The following MAGI2 variants were observed in gnomAD, a reference collection of about 807,000 sequenced individuals.
MAGI2 encodes membrane associated guanylate kinase, WW and PDZ domain containing 2.
A neutral mutation model predicts 133.3 loss-of-function variants in MAGI2; 35 were observed. The ratio of observed to expected loss-of-function variants is 0.26; its 90% CI spans 0.20 to 0.35. The LOEUF is 0.35. Ranked by LOEUF, MAGI2 falls within the 10% of genes least tolerant of loss-of-function variation. The pLI, the probability that MAGI2 is intolerant of heterozygous loss-of-function variation, is 1.00. For missense variants in MAGI2, 1,636 were observed against 1,863.4 expected (o/e 0.88, Z 2.25); for synonymous variants, 729 against 710.6 (o/e 1.03, Z -0.41).
At chr7:78,163,136 T>C (rs1004119750) in intron 15 of MAGI2, among the ~76,000 whole-genome samples, 2 of 151,994 alleles carry the variant, frequency 1.3e-5, no homozygotes, top group African/African-American at 4.8e-5. Context: ...TTTAGTTTGT[T>C]TGTTTGTTTG....
At chr7:79,417,213 T>C (rs766605893) in intron 1 of MAGI2, among the ~76,000 whole-genome samples, 11 of 152,156 alleles carry the variant, frequency 7.2e-5, no homozygotes, top group Non-Finnish European at 1.3e-4. Context: ...TTATATCTAA[T>C]TGGTTGCATT....
At chr7:78,236,643 A>G (rs1437951739) in intron 10 of MAGI2, among the ~76,000 whole-genome samples, 1 of 152,172 alleles carries the variant, frequency 6.6e-6, no homozygotes, top group Non-Finnish European at 1.5e-5. Context: ...AAATGTTAAC[A>G]TGTTCCTTAT....
chr7:79,183,725 G>A lies in MAGI2; in HGVS notation c.302-176519C>T, dbSNP rs112234457. Among the ~76,000 whole-genome samples the A allele has an allele frequency of 2.0e-4, 31 of 151,830 alleles. 1 individual carries two copies. The highest frequency in any genetic ancestry group is 6.3e-4 in the African/African-American group (26 of 41,342). On this transcript the variant is annotated intron_variant, in intron 1 of 21. Transcript: ENST00000354212. ...CTAGTCACAGTCAATTCCAAGAGAC[G>A]GAATCAACTTAAGTGTCCATCAGTA...
In MAGI2 at chr7:78,432,385, G is replaced by A. The variant is rs574249616; in HGVS notation, c.1045+57376C>T. Among the ~76,000 whole-genome samples, 29 of 152,094 alleles carry A rather than the reference G, an allele frequency of 1.9e-4. 1 individual carries two copies. The highest frequency in any genetic ancestry group is 6.8e-3 in the Middle Eastern group (2 of 294). On this transcript the variant is annotated intron_variant, in intron 6 of 21. Transcript: ENST00000354212. The stretch of plus-strand genomic sequence containing the variant: ...CATTTTTCAGATTGTAGTTCTAACC[G>A]TGCTTAGACACGTAGTAAACAAATG...
intron 9 of MAGI2, among the ~76,000 whole-genome samples, chr7:78,338,677 G>GTT (rs1007989524): frequency 9.2e-5 from 14 of 152,096 alleles, no homozygotes; most frequent in Admixed American, 3.9e-4. Flanking sequence ...GCAGAAATGT[G>GTT]TTTTTACATG....
intron 1 of MAGI2, among the ~76,000 whole-genome samples, chr7:79,313,065 A>G (rs1838419456): frequency 6.6e-6 from 1 of 152,192 alleles, no homozygotes; most frequent in South Asian, 2.1e-4. Flanking sequence ...AATTCAATCA[A>G]TTATAGACTT....
intron 10 of MAGI2, among the ~76,000 whole-genome samples, chr7:78,217,042 C>T (rs1788344201): frequency 6.6e-6 from 1 of 152,156 alleles, no homozygotes; most frequent in Admixed American, 6.5e-5. Context: ...CAATGTTCTC[C>T]TTTTTAATAA....
At chr7:78,434,645 A>G (rs1201293294) in intron 6 of MAGI2, among the ~76,000 whole-genome samples, 3 of 152,172 alleles carry the variant, frequency 2.0e-5, no homozygotes, top group African/African-American at 7.2e-5. Context: ...CTCACATAAA[A>G]TGAGACAGTA....
intron 16 of MAGI2, among the ~76,000 whole-genome samples, chr7:78,156,651 G>A (rs1229815735): frequency 6.6e-6 from 1 of 151,680 alleles, no homozygotes; most frequent in Non-Finnish European, 1.5e-5. Context: ...CTTCCTCAAG[G>A]TCACATGGTT....
intron 9 of MAGI2, among the ~76,000 whole-genome samples, chr7:78,322,636 G>A (rs1425585223): frequency 6.6e-6 from 1 of 152,116 alleles, no homozygotes; most frequent in Admixed American, 6.6e-5. Flanking sequence ...GGGAGGGATA[G>A]CATTAGGAGA....
At position 79,387,890 on chromosome 7, in the gene MAGI2, G is replaced by A. The variant is rs1342423386; in HGVS notation, c.301+65130C>T. On this transcript the variant is annotated intron_variant, in intron 1 of 21. Coordinates refer to ENST00000354212, the MANE Select transcript of MAGI2 (RefSeq NM_012301.4). The stretch of plus-strand genomic sequence containing the variant: ...ATAATCAAGTCAAATATTTAAATTC[G>A]TATTGATTTAAACGACCTGATTTAA... 7.9e-5 allele frequency among the ~76,000 whole-genome samples: 12 copies of A among 151,450 alleles called. No homozygotes were observed. The East Asian group carries it at 1.2e-3, about 15-fold the overall frequency.
At position 79,077,598 on chromosome 7, in the gene MAGI2, A is replaced by AAAAG. The variant is rs1815640358; in HGVS notation, c.302-70393_302-70392insCTTT. 4.1e-5 allele frequency among the ~76,000 whole-genome samples: 2 copies of AAAAG among 48,700 alleles called. 1 individual carries two copies. Among genetic ancestry groups the AAAAG allele is most frequent in the African/African-American group, 1.6e-4 (2 of 12,848 alleles). 31.9% of individuals were successfully genotyped at this position (48,700 alleles called of 152,430 possible). On this transcript the variant is annotated intron_variant, in intron 1 of 21. Coordinates refer to ENST00000354212, the MANE Select transcript of MAGI2 (RefSeq NM_012301.4). Reference sequence around the variant, plus strand: ...TCAAAAAAAAAAAAAAAAAAAAATAAATAAATAAATAAATTCCCTTTTGCT... The same window carrying AAAAG: ...TCAAAAAAAAAAAAAAAAAAAAATAAAAAGATAAATAAATAAATTCCCTTTTGCT...
chr7:78,744,622 T>C (rs1822755098), intron 2 of MAGI2, among the ~76,000 whole-genome samples: 1 of 152,166 alleles, frequency 6.6e-6, no homozygotes, highest in Non-Finnish European at 1.5e-5. Context: ...TCTAATTCTA[T>C]GAAGTGAAGG....
chr7:78,391,705 T>G (rs550122063), intron 6 of MAGI2, among the ~76,000 whole-genome samples: 9 of 152,266 alleles, frequency 5.9e-5, no homozygotes, highest in Admixed American at 5.9e-4. Flanking sequence ...CATGAAAAAA[T>G]TATATGGCAT....
chr7:78,585,934 A>G (rs769104625), intron 3 of MAGI2, among the ~76,000 whole-genome samples: 11 of 152,240 alleles, frequency 7.2e-5, no homozygotes, highest in Non-Finnish European at 1.5e-4. Context: ...AATCTGAACC[A>G]GTAATCAATA....
intron 1 of MAGI2, among the ~76,000 whole-genome samples, chr7:79,043,938 G>T (rs908490590): frequency 2.0e-5 from 3 of 152,076 alleles, no homozygotes; most frequent in African/African-American, 7.2e-5. Context: ...ATAATAAAAA[G>T]CTTCCCAACC....
At chr7:79,408,983 T>C (rs1845980768) in intron 1 of MAGI2, among the ~76,000 whole-genome samples, 1 of 152,130 alleles carries the variant, frequency 6.6e-6, no homozygotes, top group African/African-American at 2.4e-5. Context: ...TCATTCTAAA[T>C]AGGTCTTGCC....
At chr7:78,230,451 T>C (rs531376139) in intron 10 of MAGI2, among the ~76,000 whole-genome samples, 1 of 152,328 alleles carries the variant, frequency 6.6e-6, no homozygotes, top group Non-Finnish European at 1.5e-5. Flanking sequence ...TTTAAAAACT[T>C]TGTTGCTAGT....
At chr7:78,716,861 C>CT (rs1819757231) in intron 2 of MAGI2, among the ~76,000 whole-genome samples, 1 of 152,152 alleles carries the variant, frequency 6.6e-6, no homozygotes, top group Non-Finnish European at 1.5e-5. Flanking sequence ...GGAATCCAAT[C>CT]TTATTTACAG....
Sources: gnomAD v4.1 joint callset for allele counts (sites outside exome capture counted in the v4.1 genomes callset) on GRCh38, gnomAD v4.1.1 for gene constraint, MANE v1.5 for transcripts, NCBI Gene and HGNC (gene_info 2026-07-23, HGNC 2026-07-21) for gene names.